Variants in EPM2A observed in about 807,000 individuals in gnomAD.
EPM2A encodes laforin.
A neutral mutation model predicts 26.5 loss-of-function variants in EPM2A; 21 were observed. The ratio of observed to expected loss-of-function variants is 0.79; its 90% CI spans 0.56 to 1.14. The LOEUF (loss-of-function observed/expected upper bound fraction) is 1.14. EPM2A is among the 50% of genes most tolerant of loss of function. EPM2A has a pLI of 0.00. For missense variants in EPM2A, 458 were observed against 440.8 expected (o/e 1.04, Z -0.35); for synonymous variants, 217 against 177.6 (o/e 1.22, Z -1.76).
chr6:145,702,478 A>AAAAG (rs1781972740), intron 1 of EPM2A, among the ~76,000 whole-genome samples: 1 of 152,182 alleles, frequency 6.6e-6, no homozygotes, highest in African/African-American at 2.4e-5. Context: ...AAAAAGAAGA[A>AAAAG]AAAAAGAAAA....
intron 4 of EPM2A, among the ~76,000 whole-genome samples, chr6:145,386,184 G>C (rs1478459300): frequency 1.3e-5 from 2 of 152,068 alleles, no homozygotes; most frequent in Admixed American, 6.6e-5. Flanking sequence ...CAAGGTAGTT[G>C]TAATTATTTT....
chr6:145,408,975 T>C (rs1328767733), intron 4 of EPM2A, among the ~76,000 whole-genome samples: 1 of 152,272 alleles, frequency 6.6e-6, no homozygotes, highest in East Asian at 1.9e-4. Context: ...AAAATAATCT[T>C]GGGGAACACA....
intron 4 of EPM2A, among the ~76,000 whole-genome samples, chr6:145,434,272 T>C (rs551810010): frequency 6.6e-6 from 1 of 151,772 alleles, no homozygotes; most frequent in Admixed American, 6.6e-5. Flanking sequence ...CTCTCTTTTT[T>C]TTTTTTTAGA....
Position 145,422,095 on chromosome 6 carries a change from A to AAT in EPM2A, c.556-38000_556-37999dup, listed in dbSNP as rs1164828226. Among the ~76,000 whole-genome samples, 188 of 145,830 alleles carry AAT rather than the reference A, an allele frequency of 1.3e-3. 1 individual carries two copies. Among genetic ancestry groups the AAT allele is most frequent in the African/African-American group, 4.3e-3 (172 of 40,450 alleles). Reference sequence around the variant, plus strand: ...TATATATAGAGAGAGAGAGAGAGATAATATATATATACATATATAAATATA... The same window carrying AAT: ...TATATATAGAGAGAGAGAGAGAGATAATATATATATATACATATATAAATATA... On this transcript the variant is annotated intron_variant, in intron 4 of 4. Transcript: ENST00000638717.
rs1781822991 is a variant in EPM2A at position 145,700,017 on chromosome 6, TTCAC to T, written c.302-13725_302-13722del. 2.6e-5 allele frequency among the ~76,000 whole-genome samples: 4 copies of T among 152,274 alleles called. No homozygotes were observed. The South Asian group carries it at 8.3e-4, about 32-fold the overall frequency. The stretch of plus-strand genomic sequence containing the variant: ...GAAACTCAGATTACTCTTAATAGGC[TTCAC>T]TCAAACCATCAAGATTGAATTATTA... On this transcript the variant is annotated intron_variant, in intron 1 of 3. Transcript: ENST00000367519.
At chr6:145,654,275 G>A (rs1267568795) in intron 2 of EPM2A, among the ~76,000 whole-genome samples, 1 of 151,346 alleles carries the variant, frequency 6.6e-6, no homozygotes, top group East Asian at 1.9e-4. Context: ...CTCTGCCTTC[G>A]GGTTCAAGCA....
At chr6:145,675,332 T>C (rs918442504) in intron 2 of EPM2A, among the ~76,000 whole-genome samples, 3 of 152,170 alleles carry the variant, frequency 2.0e-5, no homozygotes, top group African/African-American at 4.8e-5. Context: ...TGCAAAAACA[T>C]GCCAAATAGT....
At chr6:145,394,044 C>T (rs367882946) in intron 4 of EPM2A, among the ~76,000 whole-genome samples, 40 of 152,032 alleles carry the variant, frequency 2.6e-4, no homozygotes, top group African/African-American at 7.5e-4. Flanking sequence ...AGGATGCTCT[C>T]GATCTCCTGA....
chr6:145,712,988 T>C (rs1775420879), intron 1 of EPM2A, among the ~76,000 whole-genome samples: 1 of 152,236 alleles, frequency 6.6e-6, no homozygotes, highest in African/African-American at 2.4e-5. Flanking sequence ...GATAGACTAA[T>C]AGCTGCTATC....
intron 2 of EPM2A, chr6:145,670,215 C>G (rs1779543577): frequency 6.6e-6 from 1 of 152,058 alleles, no homozygotes; most frequent in African/African-American, 2.4e-5. Flanking sequence ...ACCTTTCTAA[C>G]CTTCCCTCAT....
rs145649956 is a variant in EPM2A, at chr6:145,416,854, C to T, written c.556-32757G>A. Among the ~76,000 whole-genome samples the T allele has an allele frequency of 2.2e-3, 339 of 151,986 alleles. 2 individuals are homozygous for T. The highest frequency in any genetic ancestry group is 8.0e-3 in the African/African-American group (331 of 41,468). On this transcript the variant is annotated intron_variant, in intron 4 of 4. Transcript: ENST00000638717. ...TGTTTAGGGGGTCGTAGGAAATGTA[C>T]ACTGATTTCTTAATTTTTTTTTTTT...
intron 4 of EPM2A, among the ~76,000 whole-genome samples, chr6:145,470,178 A>T (rs1426368544): frequency 1.3e-5 from 2 of 152,162 alleles, no homozygotes; most frequent in Non-Finnish European, 2.9e-5. Flanking sequence ...AGCATATTGG[A>T]ATGTTTGTAA....
At chr6:145,581,290 G>A (rs1347612566) in intron 2 of EPM2A, among the ~76,000 whole-genome samples, 2 of 152,056 alleles carry the variant, frequency 1.3e-5, no homozygotes, top group South Asian at 2.1e-4. Flanking sequence ...TTGGCTGCGT[G>A]TATGTGTTCT....
intron 2 of EPM2A, among the ~76,000 whole-genome samples, chr6:145,605,598 C>A (rs1017310448): frequency 5.3e-5 from 8 of 152,014 alleles, no homozygotes; most frequent in African/African-American, 1.7e-4. Flanking sequence ...CAGAGGTAGA[C>A]CAACCTCACT....
At chr6:145,567,868 G>C (rs1301522504) in intron 2 of EPM2A, among the ~76,000 whole-genome samples, 1 of 152,140 alleles carries the variant, frequency 6.6e-6, no homozygotes, top group Non-Finnish European at 1.5e-5. Flanking sequence ...GCAGTGCCTA[G>C]AATAAGATGG....
At chr6:145,723,904 A>G (rs933820061) in intron 1 of EPM2A, among the ~76,000 whole-genome samples, 1 of 152,168 alleles carries the variant, frequency 6.6e-6, no homozygotes, top group African/African-American at 2.4e-5. Context: ...TGCATAACGT[A>G]AACTTTGACA....
chr6:145,640,703 A>C (rs1199774589), intron 2 of EPM2A: 3 of 152,188 alleles, frequency 2.0e-5, no homozygotes, highest in Non-Finnish European at 4.4e-5. Flanking sequence ...AAAGGGAAAA[A>C]AAGTCTATCC....
At chr6:145,683,724 G>A (rs1198770475) in intron 2 of EPM2A, among the ~76,000 whole-genome samples, 1 of 152,088 alleles carries the variant, frequency 6.6e-6, no homozygotes, top group Non-Finnish European at 1.5e-5. Flanking sequence ...TTCATTCAGG[G>A]TGGGGCGGAG....
chr6:145,395,146 C>T (rs1778388259), intron 4 of EPM2A, among the ~76,000 whole-genome samples: 1 of 152,114 alleles, frequency 6.6e-6, no homozygotes, highest in Admixed American at 6.6e-5. Flanking sequence ...TATCAAGCAG[C>T]AGCTTGGAGG....
Sources: gnomAD v4.1 joint callset for allele counts (sites outside exome capture counted in the v4.1 genomes callset) on GRCh38, gnomAD v4.1.1 for gene constraint, MANE v1.5 for transcripts, NCBI Gene and HGNC (gene_info 2026-07-23, HGNC 2026-07-21) for gene names.